The following SEPTIN8 variants were observed in gnomAD, a reference collection of about 807,000 sequenced individuals.
SEPTIN8 encodes the protein septin-8.
Under a neutral mutation model 53.1 loss-of-function variants are expected in SEPTIN8, and 22 were observed. The observed-to-expected ratio is 0.41, with a 90% confidence interval of 0.30 to 0.59. The LOEUF is 0.59. SEPTIN8 is among the 20% of genes least tolerant of loss of function. SEPTIN8 has a pLI of 0.24. For synonymous variants in SEPTIN8, 228 were observed against 248.4 expected (o/e 0.92, Z 0.77); for missense variants, 536 against 638.7 (o/e 0.84, Z 1.73).
chr5:132,764,121 C>T (rs946598722), intron 3 of SEPTIN8, 103 bp downstream of exon 3: 5 of 1,256,112 alleles, frequency 4.0e-6, no homozygotes, highest in Non-Finnish European at 4.4e-6. Flanking sequence ...CCCCAAGAGG[C>T]CCTCCCTGGC....
chr5:132,777,300 G>T, upstream of SEPTIN8: 1 of 1,092,854 alleles, frequency 9.2e-7, no homozygotes, highest in Non-Finnish European at 1.1e-6. This position sits in a 1 kb window ranked among gnomAD's most constrained non-coding sequence, Gnocchi z 4.1. Context: ...AGAAGCCGCG[G>T]AGCCGCCCCT....
At position 132,761,668 on chromosome 5, in the gene SEPTIN8, G is replaced by C. The variant is rs1581157222; in HGVS notation, c.794-42C>G. On this transcript the variant is annotated intron_variant, in intron 6 of 9. Transcript: ENST00000378719. The surrounding 1 kb of genome is among the most constrained non-coding windows in gnomAD (Gnocchi z 5.8). ...GGTGGGGTATCAGGCAGGCATGCAGGCGGGCACACTCCAGAGTCAGGGTAG... is the reference window on the plus strand; with the variant it reads ...GGTGGGGTATCAGGCAGGCATGCAGCCGGGCACACTCCAGAGTCAGGGTAG... 6.2e-7 allele frequency: 1 copy of C among 1,607,702 alleles called. No individual in the cohort carries two copies. The highest frequency in any genetic ancestry group is 2.2e-5 in the East Asian group (1 of 44,844).
chr5:132,751,189 C>T lies in SEPTIN8; in HGVS notation c.*827G>A. ...TTAAATCCAACACAGTTCCACCAGACTCCCACTTCTAAAGGACATTAAATT... is the reference window on the plus strand; with the variant it reads ...TTAAATCCAACACAGTTCCACCAGATTCCCACTTCTAAAGGACATTAAATT... On this transcript the variant is annotated 3_prime_UTR_variant, in exon 10 of 10. Transcript: ENST00000378719. 1.9e-6 allele frequency: 1 copy of T among 514,366 alleles called. No homozygotes were observed. Among genetic ancestry groups the T allele is most frequent in the Non-Finnish European group, 3.3e-6 (1 of 302,734 alleles). 31.9% of individuals were successfully genotyped at this position (514,366 alleles called of 1,614,324 possible).
intron 9 of SEPTIN8, chr5:132,756,743 G>A: frequency 1.0e-6 from 1 of 985,486 alleles, no homozygotes; most frequent in Non-Finnish European, 1.2e-6. Context: ...GGAAGGCTTA[G>A]GCCCGCAGGC....
At chr5:132,758,574 C>T (rs769113406) in intron 9 of SEPTIN8, 10 of 1,611,474 alleles carry the variant, frequency 6.2e-6, no homozygotes, top group Admixed American at 5.0e-5. Flanking sequence ...AAATAAACCT[C>T]GTCAGTTTTG....
In SEPTIN8 at chr5:132,752,019, G is replaced by A. The variant is rs550644991; in HGVS notation, c.1449C>T (p.Leu483=). The A allele has an allele frequency of 2.3e-5, 37 of 1,612,496 alleles. No individual in the cohort carries two copies. The South Asian group carries it at 4.0e-4, about 17-fold the overall frequency. Reference sequence around the variant, plus strand: ...CCCATGTGTTGGAGCTGCTGCCTCAGAGGAATCCTTCCCTCCACGTCGCAT... The same window carrying A: ...CCCATGTGTTGGAGCTGCTGCCTCAAAGGAATCCTTCCCTCCACGTCGCAT... ...VRDATWREGF[L] is the part of the protein sequence containing the mutation. Residue 483 remains leucine (L), a synonymous_variant, in exon 10 of 10, where the codon CTC becomes CTT. Transcript: ENST00000378719.
chr5:132,776,349 C>G lies in SEPTIN8; in HGVS notation c.30+759G>C, dbSNP rs1290652177. ...CCCTCCCGCGAGTGAATTATGAAAGCCTTTAGTAAGTTGGCTGTCGGCAGG... is the reference window on the plus strand; with the variant it reads ...CCCTCCCGCGAGTGAATTATGAAAGGCTTTAGTAAGTTGGCTGTCGGCAGG... On this transcript the variant is annotated intron_variant, in intron 1 of 9. Transcript: ENST00000378719. This position sits in a 1 kb window ranked among gnomAD's most constrained non-coding sequence, Gnocchi z 4.4. Among the ~76,000 whole-genome samples, 3 of 152,200 alleles carry G rather than the reference C, an allele frequency of 2.0e-5. No individual in the cohort carries two copies. The highest frequency in any genetic ancestry group is 1.5e-5 in the Non-Finnish European group (1 of 68,042).
intron 1 of SEPTIN8, among the ~76,000 whole-genome samples, chr5:132,770,078 T>C (rs1350010253): frequency 2.4e-4 from 14 of 58,924 alleles, no homozygotes; most frequent in African/African-American, 2.3e-3. Flanking sequence ...TATATATATA[T>C]ATGTATATAT....
chr5:132,777,366 GC>G, upstream of SEPTIN8: 16 of 1,035,224 alleles, frequency 1.5e-5, no homozygotes, highest in Non-Finnish European at 1.5e-5. The surrounding 1 kb of genome is among the most constrained non-coding windows in gnomAD (Gnocchi z 4.1). Context: ...CGCAGCCGGA[GC>G]CCCGCCGCTT....
chr5:132,772,405 TATCCCA>T lies in SEPTIN8; in HGVS notation c.30+4697_30+4702del, dbSNP rs1757410432. On this transcript the variant is annotated intron_variant, in intron 1 of 9. Coordinates refer to ENST00000378719, the MANE Select transcript of SEPTIN8 (RefSeq NM_001098811.2). Reference sequence around the variant, plus strand: ...TTGTGCTGCCTGAGAGGGAGTGGTCTATCCCACCACAGAGGAGATGGGGAAGGTGCT... The same window carrying T: ...TTGTGCTGCCTGAGAGGGAGTGGTCTCCACAGAGGAGATGGGGAAGGTGCT... 2.0e-5 allele frequency among the ~76,000 whole-genome samples: 3 copies of T among 152,286 alleles called. No homozygotes were observed. In the South Asian group the frequency reaches 6.2e-4, roughly 32 times the overall value.
At position 132,769,730 on chromosome 5, in the gene SEPTIN8, C is replaced by G. The variant is rs1193818942; in HGVS notation, c.31-4201G>C. ...AGCAAAGCCAGGATCTGAATGGAGA[C>G]AACATGACTGTGAAACCCACACTTC... On this transcript the variant is annotated intron_variant, in intron 1 of 9. Coordinates refer to ENST00000378719, the MANE Select transcript of SEPTIN8 (RefSeq NM_001098811.2). Among the ~76,000 whole-genome samples, 8 of 151,870 alleles carry G rather than the reference C, an allele frequency of 5.3e-5. No homozygotes were observed. In the East Asian group the frequency reaches 1.5e-3, roughly 29 times the overall value.
intron 2 of SEPTIN8, among the ~76,000 whole-genome samples, chr5:132,765,167 A>G (rs1756455816): frequency 6.6e-6 from 1 of 152,092 alleles, no homozygotes; most frequent in Non-Finnish European, 1.5e-5. Context: ...AAACACCCAC[A>G]GTTTACAAAG....
At chr5:132,774,937 G>T (rs547873404) in intron 1 of SEPTIN8, among the ~76,000 whole-genome samples, 26 of 152,286 alleles carry the variant, frequency 1.7e-4, no homozygotes, top group African/African-American at 5.8e-4. Context: ...AGCCAGGAAG[G>T]GTGAATGGAG....
At chr5:132,757,706 G>A in intron 9 of SEPTIN8, 1 of 985,356 alleles carries the variant, frequency 1.0e-6, no homozygotes, top group African/African-American at 1.7e-5. Context: ...TCTCAACACT[G>A]ACATTCTTGG....
upstream of SEPTIN8, chr5:132,777,674 A>G: frequency 3.0e-6 from 3 of 985,526 alleles, no homozygotes; most frequent in Non-Finnish European, 3.6e-6. The surrounding 1 kb of genome is among the most constrained non-coding windows in gnomAD (Gnocchi z 4.1). Flanking sequence ...GGGACCACCA[A>G]CCAGAGTGTG....
At chr5:132,764,503 G>C in intron 2 of SEPTIN8, 84 bp from the exon 3 acceptor site, 1 of 1,178,832 alleles carries the variant, frequency 8.5e-7, no homozygotes, top group Non-Finnish European at 1.2e-6. Flanking sequence ...GGCCAGGCAG[G>C]GCTCAGGCAT....
rs142650543 is a variant in SEPTIN8, at chr5:132,768,212, T to G, written c.31-2683A>C. ...TACAGGGAGGTCATCATCCCTAAGT[T>G]GTTACCCAGGCTACACTCTGTTATC... On this transcript the variant is annotated intron_variant, in intron 1 of 9. Transcript: ENST00000378719. 1.1e-3 allele frequency among the ~76,000 whole-genome samples: 166 copies of G among 152,208 alleles called. 1 individual carries two copies. Among genetic ancestry groups the G allele is most frequent in the African/African-American group, 3.9e-3 (160 of 41,510 alleles).
Position 132,763,849 on chromosome 5 carries a change from A to G in SEPTIN8, c.391T>C (p.Tyr131His). ...CGGATCTTCAGCTCCTCCTGCAGAT[A>G]ATTTTCAAACTGCGCATCGATGTAG... is the stretch of plus-strand genomic sequence containing the variant. ...VDYIDAQFEN[Y>H]LQEELKIRRS... Residue 131 changes from tyrosine to histidine, a missense_variant, in exon 4 of 10, where the codon TAT becomes CAT. Tyr to His is a moderately conservative substitution (Grantham distance 83). Transcript: ENST00000378719. 2 of 1,605,356 alleles carry G rather than the reference A, an allele frequency of 1.2e-6. No homozygotes were observed. Among genetic ancestry groups the G allele is most frequent in the Non-Finnish European group, 1.7e-6 (2 of 1,175,328 alleles).
chr5:132,758,818 G>A, intron 9 of SEPTIN8: 3 of 1,613,854 alleles, frequency 1.9e-6, no homozygotes, highest in South Asian at 1.1e-5. Flanking sequence ...GTCTGTGCGT[G>A]CGTTAACTGA....
Sources: gnomAD v4.1 joint callset for allele counts (sites outside exome capture counted in the v4.1 genomes callset) on GRCh38, gnomAD v4.1.1 for gene constraint, Gnocchi (gnomAD v3.1) non-coding constraint, MANE v1.5 for transcripts, NCBI Gene and HGNC (gene_info 2026-07-23, HGNC 2026-07-21) for gene names.